The following IQGAP3 variants were observed in gnomAD, a reference collection of about 807,000 sequenced individuals.
IQGAP3 encodes the protein IQ motif containing GTPase activating protein 3.
IQGAP3 carries 165 observed loss-of-function variants against 208.2 expected under a neutral mutation model. The observed-to-expected ratio is 0.79, with a 90% CI of 0.70 to 0.90. IQGAP3 has a LOEUF of 0.90. IQGAP3 is among the 40% of genes least tolerant of loss of function. The pLI, the probability that IQGAP3 is intolerant of heterozygous loss-of-function variation, is 0.00. For synonymous variants in IQGAP3, 703 were observed against 803.6 expected (o/e 0.87, Z 2.12); for missense variants, 1,811 against 2,043.1 (o/e 0.89, Z 2.19).
In IQGAP3 at chr1:156,526,572, C is replaced by T; in HGVS notation, c.4810G>A (p.Val1604Met). ...TTGTTGAAGAGTTTCATGACAGCCA[C>T]ACCCTCATACTGGAGCTGCAGGAGA... ...QDLLQLQYEG[V>M]AVMKLFNKAK... The change falls in exon 38 of 38, where the codon GTG (valine) becomes ATG (methionine). Residue 1604 changes from valine to methionine, a missense_variant. By Grantham distance (21) the Val-to-Met change is conservative. Transcript: ENST00000361170. The T allele has an allele frequency of 6.2e-7, 1 of 1,614,008 alleles. No homozygotes were observed. Among genetic ancestry groups the T allele is most frequent in the Non-Finnish European group, 8.5e-7 (1 of 1,179,850 alleles).
intron 4 of IQGAP3, among the ~76,000 whole-genome samples, chr1:156,564,962 G>T (rs1220274294): frequency 6.6e-6 from 1 of 152,108 alleles, no homozygotes; most frequent in Non-Finnish European, 1.5e-5. Flanking sequence ...GGCCATCAAG[G>T]CTACAGGATA....
At chr1:156,529,278 G>A (rs1192306793) in intron 34 of IQGAP3, among the ~76,000 whole-genome samples, 196 bp from the exon 35 acceptor site, 1 of 152,232 alleles carries the variant, frequency 6.6e-6, no homozygotes, top group African/African-American at 2.4e-5. Flanking sequence ...TGCCCGTTGA[G>A]GACTAACTGG....
chr1:156,567,490 A>G (rs1244226228), intron 2 of IQGAP3, among the ~76,000 whole-genome samples: 1 of 152,226 alleles, frequency 6.6e-6, no homozygotes. Flanking sequence ...GCCAGGATCA[A>G]ATGAGCTAAT....
chr1:156,555,124 A>C (rs1028940549), intron 12 of IQGAP3, among the ~76,000 whole-genome samples: 2 of 152,008 alleles, frequency 1.3e-5, no homozygotes, highest in Non-Finnish European at 1.5e-5. Context: ...TCGCCTCCAC[A>C]CTGCACTGCA....
At chr1:156,554,072 C>T (rs1675698101) in intron 13 of IQGAP3, among the ~76,000 whole-genome samples, 163 bp downstream of exon 13, 1 of 152,242 alleles carries the variant, frequency 6.6e-6, no homozygotes, top group Admixed American at 6.5e-5. Context: ...CCATCCACTC[C>T]CAGGAAGAAA....
chr1:156,564,741 C>T (rs777941987), intron 4 of IQGAP3, 50 bp from the exon 5 acceptor site: 2 of 1,318,542 alleles, frequency 1.5e-6, no homozygotes, highest in South Asian at 1.2e-5. Flanking sequence ...TTAAGCACCA[C>T]CAAATGCGGA....
Position 156,539,027 on chromosome 1 carries a change from C to A in IQGAP3, c.3063G>T (p.Lys1021Asn), listed in dbSNP as rs1388315017. 3 of 1,613,236 alleles carry A rather than the reference C, an allele frequency of 1.9e-6. No homozygotes were observed. The highest frequency in any genetic ancestry group is 2.5e-6 in the Non-Finnish European group (3 of 1,179,576). The stretch of plus-strand genomic sequence containing the variant: ...TCACCACGTCCTGGGGCTGCTCCAC[C>A]TTTGACCTGTGGTTTAAGAGGTCAT... The part of the protein sequence containing the change: ...KTALQEEIKS[K>N]VEQPQDVVTG... Residue 1021 changes from lysine to asparagine, a missense_variant, in exon 26 of 38, where the codon AAG becomes AAT. Physicochemically the swap from Lys to Asn is moderately conservative, Grantham distance 94. Coordinates refer to ENST00000361170, the MANE Select transcript of IQGAP3 (RefSeq NM_178229.5).
chr1:156,538,879 C>T lies in IQGAP3; in HGVS notation c.3211G>A (p.Val1071Ile), dbSNP rs778730968. 8.7e-6 allele frequency: 14 copies of T among 1,614,024 alleles called. No homozygotes were observed. Among genetic ancestry groups the T allele is most frequent in the Middle Eastern group, 1.6e-4 (1 of 6,084 alleles). The change falls in exon 26 of 38, where the codon GTC (valine) becomes ATC (isoleucine). Residue 1071 changes from valine to isoleucine, a missense_variant. Val to Ile is a conservative substitution (Grantham distance 29). Transcript: ENST00000361170. The part of the protein sequence containing the change: ...QDVLEDKVLS[V>I]HTDPVHLYKN... Reference sequence around the variant, plus strand: ...TAGAGGTGGACAGGGTCTGTGTGGACGCTGAGCACTTTGTCTTCTAGCACA... The same window carrying T: ...TAGAGGTGGACAGGGTCTGTGTGGATGCTGAGCACTTTGTCTTCTAGCACA...
chr1:156,562,286 T>C (rs1161241482), intron 9 of IQGAP3, among the ~76,000 whole-genome samples: 1 of 151,324 alleles, frequency 6.6e-6, no homozygotes, highest in African/African-American at 2.4e-5. Flanking sequence ...CATCCTCATG[T>C]ATTCTCCACA....
intron 12 of IQGAP3, among the ~76,000 whole-genome samples, chr1:156,554,928 G>A (rs781754726): frequency 4.6e-5 from 7 of 152,112 alleles, no homozygotes; most frequent in Non-Finnish European, 7.3e-5. Flanking sequence ...ATGGTGGTGC[G>A]TACCTGTCAT....
rs115897907 is a variant in IQGAP3 at position 156,545,697 on chromosome 1, C to G, written c.2305-1225G>C. On this transcript the variant is annotated intron_variant, in intron 19 of 37. Transcript: ENST00000361170. Reference sequence around the variant, plus strand: ...TATGTTTTGTAGAGATGGGGTCTTACTATATTGCTCAGGCCAGTCTTGAAC... The same window carrying G: ...TATGTTTTGTAGAGATGGGGTCTTAGTATATTGCTCAGGCCAGTCTTGAAC... Among the ~76,000 whole-genome samples, 968 of 152,182 alleles carry G rather than the reference C, an allele frequency of 6.4e-3. 9 individuals carry two copies. The highest frequency in any genetic ancestry group is 0.022 in the African/African-American group (919 of 41,518).
chr1:156,526,555 G>A lies in IQGAP3; in HGVS notation c.4827C>T (p.Leu1609=). ...LQYEGVAVMK[L]FNKAKVNVNL... ...TGACATTGACTTTGGCCTTGTTGAAGAGTTTCATGACAGCCACACCCTCAT... is the reference window on the plus strand; with the variant it reads ...TGACATTGACTTTGGCCTTGTTGAAAAGTTTCATGACAGCCACACCCTCAT... The change falls in exon 38 of 38, where the codon CTC becomes CTT. Residue 1609 remains leucine, a synonymous_variant. Coordinates refer to ENST00000361170, the MANE Select transcript of IQGAP3 (RefSeq NM_178229.5). The A allele has an allele frequency of 1.2e-6, 2 of 1,614,188 alleles. No homozygotes were observed. Among genetic ancestry groups the A allele is most frequent in the Non-Finnish European group, 1.7e-6 (2 of 1,180,002 alleles).
rs749747273 is a variant in IQGAP3 at position 156,564,642 on chromosome 1, C to G, written c.410G>C (p.Arg137Pro). ...TDIYDKKNMP[R>P]VVYCIHALSL... ...GAGAGCATGGATGCAGTAGACTACCCGGGGCATGTTCTTTTTGTCATAGAT... is the reference window on the plus strand; with the variant it reads ...GAGAGCATGGATGCAGTAGACTACCGGGGGCATGTTCTTTTTGTCATAGAT... Residue 137 changes from arginine to proline, a missense_variant, in exon 5 of 38, where the codon CGG becomes CCG. Physicochemically the swap from Arg to Pro is moderately radical, Grantham distance 103 (BLOSUM62 -2). Transcript: ENST00000361170. 6.2e-7 allele frequency: 1 copy of G among 1,613,722 alleles called. No individual in the cohort carries two copies. Among genetic ancestry groups the G allele is most frequent in the Admixed American group, 1.7e-5 (1 of 59,976 alleles).
At position 156,532,998 on chromosome 1, in the gene IQGAP3, G is replaced by A; in HGVS notation, c.4085C>T (p.Thr1362Ile). The change falls in exon 32 of 38, where the codon ACC becomes ATC. Residue 1362 changes from threonine (T) to isoleucine (I), a missense_variant. By Grantham distance (89) the Thr-to-Ile change is moderately conservative. Coordinates refer to ENST00000361170, the MANE Select transcript of IQGAP3 (RefSeq NM_178229.5). ...CACCCACCTCAGAAGCAGGCTACGGGTGTTGGAGTCATCAGCATCTGCCTC... is the reference window on the plus strand; with the variant it reads ...CACCCACCTCAGAAGCAGGCTACGGATGTTGGAGTCATCAGCATCTGCCTC... ...GLEADADDSN[T>I]RSLLLSTKQL... 1 of 1,614,106 alleles carries A rather than the reference G, an allele frequency of 6.2e-7. No individual in the cohort carries two copies. Among genetic ancestry groups the A allele is most frequent in the Non-Finnish European group, 8.5e-7 (1 of 1,179,988 alleles).
Position 156,534,534 on chromosome 1 carries a change from T to C in IQGAP3, c.3707A>G (p.Asn1236Ser). 6.3e-7 allele frequency: 1 copy of C among 1,597,106 alleles called. No individual in the cohort carries two copies. The highest frequency in any genetic ancestry group is 8.5e-7 in the Non-Finnish European group (1 of 1,172,196). The change falls in exon 29 of 38, where the codon AAT (asparagine) becomes AGT (serine). Residue 1236 changes from asparagine (N) to serine (S), a missense_variant. Physicochemically the swap from Asn to Ser is conservative, Grantham distance 46. Coordinates refer to ENST00000361170, the MANE Select transcript of IQGAP3 (RefSeq NM_178229.5). ...GAGGTGTGTTTCCTCCAGATAGTCATTCAGGACCCGTAGGTGCTGGCTCTG... is the reference window on the plus strand; with the variant it reads ...GAGGTGTGTTTCCTCCAGATAGTCACTCAGGACCCGTAGGTGCTGGCTCTG... ...SGQSQHLRVLNDYLEETHLKF... is the reference protein window; with the variant it reads ...SGQSQHLRVLSDYLEETHLKF...
intron 15 of IQGAP3, among the ~76,000 whole-genome samples, 196 bp from the exon 16 acceptor site, chr1:156,550,547 C>T (rs961058455): frequency 5.3e-5 from 8 of 152,152 alleles, no homozygotes; most frequent in African/African-American, 1.4e-4. Context: ...GCTCAGAAGG[C>T]TCTCTTATCC....
At position 156,543,330 on chromosome 1, in the gene IQGAP3, G is replaced by A. The variant is rs115829571; in HGVS notation, c.2530+651C>T. Reference sequence around the variant, plus strand: ...TGAGGAGGTGAAGGAGAGGATTCCTGAACAGGACATCTCACCAGAAGCCCA... The same window carrying A: ...TGAGGAGGTGAAGGAGAGGATTCCTAAACAGGACATCTCACCAGAAGCCCA... On this transcript the variant is annotated intron_variant, in intron 22 of 37. Coordinates refer to ENST00000361170, the MANE Select transcript of IQGAP3 (RefSeq NM_178229.5). Among the ~76,000 whole-genome samples the A allele has an allele frequency of 6.7e-3, 1,021 of 152,298 alleles. 14 individuals are homozygous for A. The highest frequency in any genetic ancestry group is 0.023 in the African/African-American group (963 of 41,562).
chr1:156,526,646 G>T, intron 37 of IQGAP3, 47 bp from the exon 38 acceptor site: 1 of 1,302,272 alleles, frequency 7.7e-7, no homozygotes. Context: ...TTCTGAATGT[G>T]GTCCAGTCAG....
At chr1:156,566,321 C>T (rs151194900) in intron 3 of IQGAP3, 69 bp downstream of exon 3, 3 of 1,495,320 alleles carry the variant, frequency 2.0e-6, no homozygotes, top group Non-Finnish European at 2.8e-6. Flanking sequence ...GTCACTCTAC[C>T]CTCACAGCTT....
Sources: gnomAD v4.1 joint callset for allele counts (sites outside exome capture counted in the v4.1 genomes callset) on GRCh38, gnomAD v4.1.1 for gene constraint, MANE v1.5 for transcripts, NCBI Gene and HGNC (gene_info 2026-07-23, HGNC 2026-07-21) for gene names.